The following THRB variants were observed in gnomAD, a reference collection of about 807,000 sequenced individuals.
THRB encodes the protein nuclear receptor subfamily 1 group A member 2.
Under a neutral mutation model 47.8 loss-of-function variants are expected in THRB, and 12 were observed. That is an observed-to-expected ratio of 0.25 (90% CI 0.16 to 0.41). The LOEUF (loss-of-function observed/expected upper bound fraction) is 0.41, where lower values mean the gene tolerates loss of function less well. Ranked by LOEUF, THRB falls within the 10% of genes least tolerant of loss-of-function variation. THRB has a pLI of 1.00. For missense variants in THRB, 348 were observed against 589.2 expected (o/e 0.59, Z 4.24); for synonymous variants, 218 against 212.2 (o/e 1.03, Z -0.24).
At chr3:24,492,648 C>T (rs1043936055) in intron 1 of THRB, among the ~76,000 whole-genome samples, 27 of 152,188 alleles carry the variant, frequency 1.8e-4, no homozygotes, top group Admixed American at 1.1e-3. Flanking sequence ...GCTTTCTCTG[C>T]TTTTAAGGCG....
At chr3:24,140,968 T>G (rs1174277395) in intron 8 of THRB, among the ~76,000 whole-genome samples, 1 of 152,200 alleles carries the variant, frequency 6.6e-6, no homozygotes, top group African/African-American at 2.4e-5. Context: ...CTGACAGAAA[T>G]GAAGTTCATT....
chr3:24,301,996 G>A (rs1304782812), intron 2 of THRB, among the ~76,000 whole-genome samples: 1 of 147,534 alleles, frequency 6.8e-6, no homozygotes, highest in Non-Finnish European at 1.5e-5. Flanking sequence ...TGAAACCTAA[G>A]CCCTTGTGAA....
chr3:24,493,015 T>G (rs1577985829), intron 1 of THRB, among the ~76,000 whole-genome samples: 1 of 152,254 alleles, frequency 6.6e-6, no homozygotes, highest in East Asian at 1.9e-4. Flanking sequence ...CTGTTAGTAT[T>G]TCTTTAACAT....
intron 1 of THRB, among the ~76,000 whole-genome samples, chr3:24,390,990 C>G (rs1436969141): frequency 1.3e-5 from 2 of 152,014 alleles, no homozygotes; most frequent in African/African-American, 4.8e-5. Flanking sequence ...AAAAGCAAAG[C>G]TGAATCTTTT....
At chr3:24,272,970 G>C (rs192331799) in intron 3 of THRB, among the ~76,000 whole-genome samples, 86 of 152,276 alleles carry the variant, frequency 5.6e-4, no homozygotes, top group African/African-American at 1.7e-3. Flanking sequence ...CTAAGTACTT[G>C]TTGGTTTTGA....
chr3:24,355,369 C>A (rs902171066), intron 1 of THRB, among the ~76,000 whole-genome samples: 2 of 152,094 alleles, frequency 1.3e-5, no homozygotes, highest in Admixed American at 6.6e-5. Context: ...TGAGACATGA[C>A]GACCAAATGC....
At position 24,223,138 on chromosome 3, in the gene THRB, G is replaced by C. The variant is rs572230183; in HGVS notation, c.22+5800C>G. 5.9e-5 allele frequency among the ~76,000 whole-genome samples: 9 copies of C among 152,308 alleles called. No individual in the cohort carries two copies. In the East Asian group the frequency reaches 1.5e-3, roughly 26 times the overall value. ...CAGTCCTAAGGCCTGGGGATTGACT[G>C]TCCTGAGTTTGGGAGAAGGGACAGA... On this transcript the variant is annotated intron_variant, in intron 4 of 10. Transcript: ENST00000646209.
intron 1 of THRB, among the ~76,000 whole-genome samples, chr3:24,438,018 T>C (rs2071144164): frequency 6.6e-6 from 1 of 151,964 alleles, no homozygotes; most frequent in Non-Finnish European, 1.5e-5. Flanking sequence ...TATACTTTCC[T>C]AATATGCCTT....
intron 1 of THRB, among the ~76,000 whole-genome samples, chr3:24,475,114 T>G (rs2125807239): frequency 6.6e-6 from 1 of 152,320 alleles, no homozygotes; most frequent in African/African-American, 2.4e-5. Context: ...GCAACAGGGC[T>G]ACTTTCTACA....
chr3:24,411,908 C>T (rs1038600305), intron 1 of THRB, among the ~76,000 whole-genome samples: 4 of 151,696 alleles, frequency 2.6e-5, no homozygotes, highest in Admixed American at 6.6e-5. Context: ...TGAGTAGCAT[C>T]GGGTCATTAC....
chr3:24,248,353 C>T (rs1293763956), intron 3 of THRB, among the ~76,000 whole-genome samples: 6 of 152,020 alleles, frequency 3.9e-5, no homozygotes, highest in South Asian at 2.1e-4. Flanking sequence ...ACTCTTTTCT[C>T]GAAAAGCCAA....
intron 5 of THRB, among the ~76,000 whole-genome samples, chr3:24,179,326 T>G (rs2041599180): frequency 6.6e-6 from 1 of 152,206 alleles, no homozygotes; most frequent in African/African-American, 2.4e-5. Flanking sequence ...TAAGATAATT[T>G]CCTTAGTTTT....
chr3:24,211,590 G>T (rs1459272192), intron 4 of THRB, among the ~76,000 whole-genome samples: 1 of 152,166 alleles, frequency 6.6e-6, no homozygotes, highest in Non-Finnish European at 1.5e-5. Context: ...AAGTGAAGCA[G>T]ACACAGCTTG....
intron 8 of THRB, among the ~76,000 whole-genome samples, chr3:24,137,145 G>T (rs1344077561): frequency 2.0e-5 from 3 of 152,208 alleles, no homozygotes; most frequent in Non-Finnish European, 2.9e-5. Context: ...ACACACCAAA[G>T]ATATGAACTT....
chr3:24,318,096 T>C (rs1423021694), intron 2 of THRB, among the ~76,000 whole-genome samples: 2 of 152,160 alleles, frequency 1.3e-5, no homozygotes, highest in Admixed American at 6.5e-5. Context: ...CCTAATTTCA[T>C]GCAATTTGGC....
intron 1 of THRB, among the ~76,000 whole-genome samples, chr3:24,342,685 G>A (rs796354106): frequency 5.3e-5 from 8 of 152,236 alleles, no homozygotes; most frequent in African/African-American, 1.9e-4. Flanking sequence ...TGGGCAAGCA[G>A]GTGAATACAC....
intron 4 of THRB, among the ~76,000 whole-genome samples, chr3:24,216,171 C>T (rs566418981): frequency 2.0e-5 from 3 of 152,282 alleles, no homozygotes; most frequent in East Asian, 1.9e-4. Context: ...ACAACTGAAT[C>T]GTCTGGGTGA....
chr3:24,243,035 TG>T (rs2049713073), intron 3 of THRB, among the ~76,000 whole-genome samples: 1 of 133,520 alleles, frequency 7.5e-6, no homozygotes, highest in Non-Finnish European at 1.5e-5. Flanking sequence ...ATGGTCAACC[TG>T]GCTTTCACAT....
intron 1 of THRB, among the ~76,000 whole-genome samples, chr3:24,456,984 T>C (rs1054670230): frequency 6.6e-6 from 1 of 152,114 alleles, no homozygotes; most frequent in Admixed American, 6.6e-5. Flanking sequence ...GTGTCATCAA[T>C]TGGCAAACCT....
Sources: allele counts gnomAD v4.1 joint callset (sites outside exome capture counted in the v4.1 genomes callset), GRCh38; gene constraint gnomAD v4.1.1; transcripts MANE v1.5; gene names NCBI Gene and HGNC (gene_info 2026-07-23, HGNC 2026-07-21).